COPS7B: variants seen among roughly 807,000 people sequenced by gnomAD.
COPS7B encodes COP9 signalosome complex subunit 7b.
A neutral mutation model predicts 33.4 loss-of-function variants in COPS7B; 9 were observed. The observed-to-expected ratio is 0.27, with a 90% CI of 0.16 to 0.47. The LOEUF is 0.47. Among genes scored for constraint, COPS7B ranks in the 20% least tolerant of loss-of-function variants. The pLI is 0.99. For missense variants in COPS7B, 242 were observed against 318.2 expected (o/e 0.76, Z 1.82); for synonymous variants, 119 against 126.3 (o/e 0.94, Z 0.39).
intron 6 of COPS7B, among the ~76,000 whole-genome samples, chr2:231,803,931 G>A (rs187634502): frequency 2.0e-5 from 3 of 152,290 alleles, no homozygotes; most frequent in Admixed American, 2.0e-4. Context: ...GCCGTTGGTG[G>A]ATGTGCCACA....
rs758725488 is a variant in COPS7B at position 231,807,562 on chromosome 2, C to T, written c.712C>T (p.Arg238Trp). The part of the protein sequence containing the change: ...AQEMEQQLAE[R>W]ECPPHAEQRQ... ...GGAGATGGAGCAGCAGCTGGCTGAA[C>T]GGGAGTGTCCCCCTCACGCTGAGCA... Residue 238 changes from arginine to tryptophan, a missense_variant, in exon 7 of 7, where the codon CGG (arginine) becomes TGG (tryptophan). Arg to Trp is a moderately radical substitution (Grantham distance 101, BLOSUM62 -3). Coordinates refer to ENST00000350033, the MANE Select transcript of COPS7B (RefSeq NM_022730.4). 6.2e-6 allele frequency: 10 copies of T among 1,611,716 alleles called. No individual in the cohort carries two copies. The highest frequency in any genetic ancestry group is 2.7e-5 in the African/African-American group (2 of 74,824).
At chr2:231,805,447 TA>T (rs1380270753) in intron 6 of COPS7B, among the ~76,000 whole-genome samples, 17 of 26,554 alleles carry the variant, frequency 6.4e-4, no homozygotes, top group South Asian at 1.4e-3. Context: ...TTTTAAATTT[TA>T]TATATATATA....
rs543816090 is a variant in COPS7B, at chr2:231,808,798, GGTGTGTGTGTGTGTGTGTGT to G, written c.*1178_*1197del. The G allele has an allele frequency of 4.0e-5, 3 of 75,804 alleles. No individual in the cohort carries two copies. The highest frequency in any genetic ancestry group is 7.0e-5 in the Non-Finnish European group (3 of 43,020). The allele number at this position is 75,804 out of a possible 1,614,324, so 4.7% of individuals were successfully genotyped here. A position where few individuals can be genotyped will look rare whatever the true frequency, so the allele number is the denominator to read the frequency against. ...TGGTTGGAGGGTGGGGGTGGGGTGG[GGTGTGTGTGTGTGTGTGTGT>G]GTGTGTGTGTGTGTGTGTGTGTGTT... On this transcript the variant is annotated 3_prime_UTR_variant, in exon 7 of 7. Transcript: ENST00000350033.
chr2:231,805,273 A>AG (rs1435034093), intron 6 of COPS7B, among the ~76,000 whole-genome samples: 22 of 152,000 alleles, frequency 1.4e-4, no homozygotes, highest in African/African-American at 5.3e-4. Flanking sequence ...TTGCCAGGTG[A>AG]CTCACTGAAT....
rs563988704 is a variant in COPS7B, at chr2:231,794,532, A to G, written c.327+181A>G. Among the ~76,000 whole-genome samples, 191 of 152,340 alleles carry G rather than the reference A, an allele frequency of 1.3e-3. 8 individuals carry two copies. The highest frequency in any genetic ancestry group is 8.7e-4 in the African/African-American group (36 of 41,586). On this transcript the variant is annotated intron_variant, in intron 4 of 6. Transcript: ENST00000350033. ...ACTCCCCATTCCATACAGGAAAAGT[A>G]TGCCCAGAAGTGATTGACTCAGCAG...
intron 6 of COPS7B, among the ~76,000 whole-genome samples, chr2:231,805,443 AT>A (rs993169995): frequency 9.8e-6 from 1 of 101,904 alleles, no homozygotes; most frequent in Admixed American, 1.2e-4. Context: ...TTTTTTTTAA[AT>A]TTTATATATA....
Position 231,791,796 on chromosome 2 carries a change from C to A in COPS7B, c.226C>A (p.Pro76Thr). 6.2e-7 allele frequency: 1 copy of A among 1,613,352 alleles called. No homozygotes were observed. The highest frequency in any genetic ancestry group is 1.6e-4 in the Middle Eastern group (1 of 6,062). ...LLNLFAYGTY[P>T]DYIANKESLP... ...GAACCTGTTTGCCTATGGGACATAC[C>A]CAGATTACATAGGTGAGTTGGTGAA... The change falls in exon 3 of 7, where the codon CCA becomes ACA. Residue 76 changes from proline to threonine, a missense_variant. By Grantham distance (38) the Pro-to-Thr change is conservative. Coordinates refer to ENST00000350033, the MANE Select transcript of COPS7B (RefSeq NM_022730.4).
chr2:231,784,450 C>T (rs988723281), upstream of COPS7B, among the ~76,000 whole-genome samples: 7 of 151,932 alleles, frequency 4.6e-5, no homozygotes, highest in Non-Finnish European at 8.8e-5. Flanking sequence ...CCACTGCACT[C>T]CAGCCGCGGT....
chr2:231,796,725 A>G (rs2049582441), intron 5 of COPS7B, among the ~76,000 whole-genome samples: 1 of 152,210 alleles, frequency 6.6e-6, no homozygotes, highest in Non-Finnish European at 1.5e-5. Flanking sequence ...TCCCTGTTGA[A>G]GTTAACATGT....
chr2:231,794,371 C>G lies in COPS7B; in HGVS notation c.327+20C>G. Reference sequence around the variant, plus strand: ...ATGAAGGTACGGTACTGAGCCTTCTCTTGTCTTCCTCCTTACCCCAAGTCA... The same window carrying G: ...ATGAAGGTACGGTACTGAGCCTTCTGTTGTCTTCCTCCTTACCCCAAGTCA... On this transcript the variant is annotated intron_variant, in intron 4 of 6. Transcript: ENST00000350033. 6.3e-7 allele frequency: 1 copy of G among 1,593,206 alleles called. No individual in the cohort carries two copies. The highest frequency in any genetic ancestry group is 8.6e-7 in the Non-Finnish European group (1 of 1,161,574).
chr2:231,786,444 C>G, upstream of COPS7B: 1 of 985,938 alleles, frequency 1.0e-6, no homozygotes, highest in Non-Finnish European at 1.2e-6. Context: ...AGAAAAGCGC[C>G]GGACGCCGGG....
At chr2:231,803,762 C>G (rs776014519) in intron 6 of COPS7B, among the ~76,000 whole-genome samples, 6 of 152,130 alleles carry the variant, frequency 3.9e-5, no homozygotes, top group Non-Finnish European at 7.4e-5. Context: ...AAGGATGATG[C>G]GCGGGCTCCC....
rs768085229 is a variant in COPS7B at position 231,808,843 on chromosome 2, T to TGTGTGTGTGTGTGTGTGTGTGTG, written c.*1198_*1199insGTGTGTGTGTGTGTGTGTGTGTG. 9.8e-6 allele frequency: 1 copy of TGTGTGTGTGTGTGTGTGTGTGTG among 102,010 alleles called. No individual in the cohort carries two copies. The highest frequency in any genetic ancestry group is 5.8e-5 in the African/African-American group (1 of 17,252). 6.3% of individuals were successfully genotyped at this position (102,010 alleles called of 1,614,324 possible). ...TGTGTGTGTGTGTGTGTGTGTGTGT[T>TGTGTGTGTGTGTGTGTGTGTGTG]TGTAGGTCCTGGACTGATTAAAGTT... On this transcript the variant is annotated 3_prime_UTR_variant, in exon 7 of 7. Transcript: ENST00000350033.
In COPS7B at chr2:231,807,575, C is replaced by A. The variant is rs776257764; in HGVS notation, c.725C>A (p.Pro242His). ...CAGCTGGCTGAACGGGAGTGTCCCCCTCACGCTGAGCAGAGGCAGCCCACC... is the reference window on the plus strand; with the variant it reads ...CAGCTGGCTGAACGGGAGTGTCCCCATCACGCTGAGCAGAGGCAGCCCACC... ...EQQLAERECPPHAEQRQPTKK... is the reference protein window; with the variant it reads ...EQQLAERECPHHAEQRQPTKK... Residue 242 changes from proline (P) to histidine (H), a missense_variant, in exon 7 of 7, where the codon CCT becomes CAT. Physicochemically the swap from Pro to His is moderately conservative, Grantham distance 77 (BLOSUM62 -2). Transcript: ENST00000350033. The A allele has an allele frequency of 3.0e-5, 48 of 1,608,312 alleles. No individual in the cohort carries two copies. Among genetic ancestry groups the A allele is most frequent in the Non-Finnish European group, 3.8e-5 (45 of 1,177,502 alleles).
At chr2:231,781,687 A>G, upstream of COPS7B, 1 of 686,182 alleles carries the variant, frequency 1.5e-6, no homozygotes, top group Non-Finnish European at 2.6e-6. Flanking sequence ...CATCCCCTGC[A>G]CTCGGTTCCT....
chr2:231,806,428 C>G (rs895323582), intron 6 of COPS7B, among the ~76,000 whole-genome samples: 10 of 151,928 alleles, frequency 6.6e-5, no homozygotes, highest in Non-Finnish European at 1.5e-4. Context: ...TGGCAAGCGC[C>G]TGTGGTCCAA....
At chr2:231,803,918 G>A (rs764049972) in intron 6 of COPS7B, among the ~76,000 whole-genome samples, 1 of 152,180 alleles carries the variant, frequency 6.6e-6, no homozygotes, top group East Asian at 1.9e-4. Context: ...GCAGCGGAGC[G>A]TTGCCGTTGG....
At chr2:231,801,164 C>A in intron 6 of COPS7B, 1 of 1,550,502 alleles carries the variant, frequency 6.4e-7, no homozygotes, top group Non-Finnish European at 8.7e-7. Flanking sequence ...GAGGGAAAAA[C>A]GTGATGTCCC....
chr2:231,807,646 G>A lies in COPS7B; in HGVS notation c.*1G>A, dbSNP rs747470844. The A allele has an allele frequency of 6.5e-7, 1 of 1,549,278 alleles. No homozygotes were observed. The highest frequency in any genetic ancestry group is 8.7e-7 in the Non-Finnish European group (1 of 1,146,504). The stretch of plus-strand genomic sequence containing the variant: ...AGGTCTGGTCTCCAGCCGCCACTAG[G>A]GCCGGCTGGGGCAGCTGGCACTCAC... On this transcript the variant is annotated 3_prime_UTR_variant, in exon 7 of 7. Transcript: ENST00000350033.
Sources: allele counts gnomAD v4.1 joint callset (sites outside exome capture counted in the v4.1 genomes callset), GRCh38; gene constraint gnomAD v4.1.1; transcripts MANE v1.5; gene names NCBI Gene and HGNC (gene_info 2026-07-23, HGNC 2026-07-21).